TMCO4: variants seen among roughly 807,000 people sequenced by gnomAD.
TMCO4 encodes transmembrane and coiled-coil domain-containing protein 4.
In TMCO4, 58 loss-of-function variants were observed where a neutral mutation model predicts 64.7. That is an observed-to-expected ratio of 0.90 (90% CI 0.73 to 1.12). The LOEUF is 1.12. TMCO4 is among the 50% of genes most tolerant of loss of function. The pLI is 0.00. For missense variants in TMCO4, 780 were observed against 825.9 expected, an observed-to-expected ratio of 0.94 and a Z score of 0.68; for synonymous variants, 325 against 346.1, an observed-to-expected ratio of 0.94 and a Z score of 0.68.
intron 13 of TMCO4, 25 bp downstream of exon 13, chr1:19,737,347 G>A (rs563032888): frequency 4.3e-5 from 69 of 1,603,454 alleles, no homozygotes; most frequent in Middle Eastern, 1.8e-4. Context: ...AAGGGTTTCC[G>A]TCTGTGACAA....
intron 2 of TMCO4, among the ~76,000 whole-genome samples, chr1:19,794,241 T>C (rs1313835991): frequency 6.6e-6 from 1 of 152,176 alleles, no homozygotes; most frequent in Non-Finnish European, 1.5e-5. Flanking sequence ...CACACTTCAG[T>C]GCAGCCACCC....
chr1:19,685,052 C>A (rs948412253), intron 15 of TMCO4, among the ~76,000 whole-genome samples: 2 of 152,216 alleles, frequency 1.3e-5, no homozygotes, highest in African/African-American at 4.8e-5. Context: ...AGGCCAGGCA[C>A]AGTGTCTCAC....
At chr1:19,790,738 A>C (rs756515404) in intron 2 of TMCO4, among the ~76,000 whole-genome samples, 62 of 152,338 alleles carry the variant, frequency 4.1e-4, no homozygotes, top group Middle Eastern at 6.8e-3. Context: ...ACCATTGTCG[A>C]AGACGGTGTG....
At chr1:19,747,952 T>C (rs77343285) in intron 7 of TMCO4, among the ~76,000 whole-genome samples, 8 of 152,130 alleles carry the variant, frequency 5.3e-5, no homozygotes, top group Non-Finnish European at 7.4e-5. Context: ...TGAACTGAGG[T>C]TGGAGTCTGA....
intron 11 of TMCO4, 60 bp downstream of exon 11, chr1:19,740,717 A>T (rs1305196714): frequency 6.5e-7 from 1 of 1,547,788 alleles, no homozygotes; most frequent in East Asian, 2.3e-5. Flanking sequence ...CTATGGTACC[A>T]CTGTGTTGGG....
intron 13 of TMCO4, among the ~76,000 whole-genome samples, chr1:19,709,196 A>G (rs1393685051): frequency 6.6e-6 from 1 of 152,088 alleles, no homozygotes; most frequent in African/African-American, 2.4e-5. Context: ...GAATTCTTTA[A>G]GGGAATGACT....
chr1:19,780,799 C>T (rs2043437516), intron 3 of TMCO4, 33 bp from the exon 4 acceptor site: 12 of 1,512,954 alleles, frequency 7.9e-6, no homozygotes, highest in Non-Finnish European at 8.0e-6. Context: ...AGAAATGCTT[C>T]CAGAGGTAAG....
At chr1:19,747,853 A>G (rs935432842) in intron 7 of TMCO4, among the ~76,000 whole-genome samples, 1 of 152,206 alleles carries the variant, frequency 6.6e-6, no homozygotes, top group African/African-American at 2.4e-5. Context: ...TGAGCACTCA[A>G]GAGTCAGGAA....
At position 19,683,282 on chromosome 1, in the gene TMCO4, T is replaced by A. The variant is rs140421144; in HGVS notation, c.1663A>T (p.Thr555Ser). 1.1e-4 allele frequency: 178 copies of A among 1,613,816 alleles called. 2 individuals are homozygous for A. In the African/African-American group the frequency reaches 2.1e-3, roughly 19 times the overall value. The part of the protein sequence containing the change: ...QAAAAASSGE[T>S]PHQVGQTQGP... ...TGGGTTTGCCCAACCTGGTGGGGGG[T>A]CTCGCCTGATGAGGCGGCAGCTGCT... Residue 555 changes from threonine to serine, a missense_variant, in exon 16 of 16, where the codon ACC (threonine) becomes TCC (serine). By Grantham distance (58) the Thr-to-Ser change is moderately conservative (BLOSUM62 1). Transcript: ENST00000294543.
chr1:19,792,830 G>A (rs2044117883), intron 2 of TMCO4, among the ~76,000 whole-genome samples: 1 of 141,380 alleles, frequency 7.1e-6, no homozygotes. Context: ...GAGTGCAGTG[G>A]CGCAATCTGG....
intron 13 of TMCO4, among the ~76,000 whole-genome samples, chr1:19,711,474 G>T (rs943929072): frequency 1.7e-4 from 26 of 152,132 alleles, no homozygotes; most frequent in Non-Finnish European, 2.9e-5. Flanking sequence ...AACACTTAGA[G>T]GTCATTGTAG....
chr1:19,766,263 C>T (rs976312651), intron 6 of TMCO4, among the ~76,000 whole-genome samples: 2 of 152,192 alleles, frequency 1.3e-5, no homozygotes, highest in Admixed American at 6.5e-5. Flanking sequence ...AGGGCACTGC[C>T]CTCATGGAGC....
chr1:19,709,288 G>GGT (rs1553129878), intron 13 of TMCO4, among the ~76,000 whole-genome samples: 8 of 57,038 alleles, frequency 1.4e-4, no homozygotes, highest in Admixed American at 7.1e-4. Flanking sequence ...CATCCCGGCG[G>GGT]GGGGGGGGGA....
Position 19,780,692 on chromosome 1 carries a change from C to T in TMCO4, c.67G>A (p.Glu23Lys), listed in dbSNP as rs1162264133. The change falls in exon 4 of 16, where the codon GAG (glutamate) becomes AAG (lysine). Residue 23 changes from glutamate (E) to lysine (K), a missense_variant. Physicochemically the swap from Glu to Lys is moderately conservative, Grantham distance 56 (BLOSUM62 1). Coordinates refer to ENST00000294543, the MANE Select transcript of TMCO4 (RefSeq NM_181719.7). ...CCCGTGGGCAGGTGTGGCTCCCCCT[C>T]TGCAGTGGGCTCAGCTACCAGAGGC... ...QQPLVAEPTA[E>K]GEPHLPTGRE... The T allele has an allele frequency of 3.1e-6, 5 of 1,613,558 alleles. No individual in the cohort carries two copies. The highest frequency in any genetic ancestry group is 3.3e-5 in the Admixed American group (2 of 59,944).
At chr1:19,748,790 A>C (rs2041900721) in intron 7 of TMCO4, among the ~76,000 whole-genome samples, 1 of 152,154 alleles carries the variant, frequency 6.6e-6, no homozygotes, top group Non-Finnish European at 1.5e-5. Flanking sequence ...CCACCACTGC[A>C]CTCCAGCTTG....
intron 7 of TMCO4, among the ~76,000 whole-genome samples, chr1:19,749,602 A>G (rs2041938079): frequency 6.6e-6 from 1 of 152,166 alleles, no homozygotes; most frequent in Non-Finnish European, 1.5e-5. Flanking sequence ...TCCTGGGCTC[A>G]AGTGATCCAC....
chr1:19,784,565 A>G (rs1201477181), intron 3 of TMCO4, among the ~76,000 whole-genome samples: 1 of 152,138 alleles, frequency 6.6e-6, no homozygotes, highest in Non-Finnish European at 1.5e-5. Context: ...AGCTAAACTC[A>G]GACCAAATTC....
At chr1:19,784,363 G>A (rs531302076) in intron 3 of TMCO4, among the ~76,000 whole-genome samples, 4 of 152,102 alleles carry the variant, frequency 2.6e-5, no homozygotes, top group South Asian at 2.1e-4. Context: ...GTGAAACCCC[G>A]TCTCTACTAA....
intron 13 of TMCO4, among the ~76,000 whole-genome samples, chr1:19,715,236 CA>C (rs1446213031): frequency 6.6e-6 from 1 of 152,090 alleles, no homozygotes; most frequent in Non-Finnish European, 1.5e-5. Flanking sequence ...TGTCTCAAAA[CA>C]AATTATTTAT....
Sources: gnomAD v4.1 joint callset for allele counts (sites outside exome capture counted in the v4.1 genomes callset) on GRCh38, gnomAD v4.1.1 for gene constraint, MANE v1.5 for transcripts, NCBI Gene and HGNC (gene_info 2026-07-23, HGNC 2026-07-21) for gene names.